TNNI3K: variants seen among roughly 807,000 people sequenced by gnomAD.
TNNI3K encodes the protein serine/threonine-protein kinase TNNI3K.
Under a neutral mutation model 114.5 loss-of-function variants are expected in TNNI3K, and 140 were observed. The observed-to-expected ratio is 1.22, with a 90% confidence interval of 1.07 to 1.41. The LOEUF is 1.41. TNNI3K is among the 40% of genes most tolerant of loss of function. TNNI3K has a pLI of 0.00. For synonymous variants in TNNI3K, 347 were observed against 347.5 expected (o/e 1.00, Z 0.02); for missense variants, 1,125 against 1,007.6 (o/e 1.12, Z -1.58).
intron 2 of TNNI3K, among the ~76,000 whole-genome samples, chr1:74,242,647 T>C (rs1654314580): frequency 6.6e-6 from 1 of 152,118 alleles, no homozygotes. Context: ...GTTTTGCCAA[T>C]TAGCCACAAA....
At chr1:74,352,247 T>C (rs1661395700) in intron 9 of TNNI3K, among the ~76,000 whole-genome samples, 1 of 152,232 alleles carries the variant, frequency 6.6e-6, no homozygotes, top group African/African-American at 2.4e-5. Context: ...AGACCCTGTT[T>C]GCCTGGGTAT....
At chr1:74,247,595 A>C (rs1158540306) in intron 2 of TNNI3K, among the ~76,000 whole-genome samples, 1 of 152,086 alleles carries the variant, frequency 6.6e-6, no homozygotes, top group Non-Finnish European at 1.5e-5. Context: ...TTGACAGGGT[A>C]CTGATTGGTG....
At chr1:74,380,280 C>T (rs781470068) in intron 17 of TNNI3K, among the ~76,000 whole-genome samples, 4 of 152,140 alleles carry the variant, frequency 2.6e-5, no homozygotes, top group South Asian at 2.1e-4. Flanking sequence ...AGAAATCCTG[C>T]GATACCAACA....
intron 23 of TNNI3K, among the ~76,000 whole-genome samples, chr1:74,517,587 C>T (rs1646367363): frequency 2.0e-5 from 3 of 152,154 alleles, no homozygotes; most frequent in Admixed American, 1.3e-4. Flanking sequence ...CATGTGGGGG[C>T]TGTGTGCTAA....
chr1:74,482,342 C>CA (rs1348233138), intron 21 of TNNI3K, among the ~76,000 whole-genome samples: 1 of 152,106 alleles, frequency 6.6e-6, no homozygotes, highest in Non-Finnish European at 1.5e-5. Context: ...AGAGATGCAA[C>CA]AATGTAGATG....
intron 21 of TNNI3K, chr1:74,471,609 C>A: frequency 2.5e-6 from 1 of 400,682 alleles, no homozygotes; most frequent in South Asian, 1.3e-4. Context: ...CCAACTTAGT[C>A]AGTTGGTTAC....
At chr1:74,303,815 A>G (rs577954615) in intron 5 of TNNI3K, among the ~76,000 whole-genome samples, 4 of 152,328 alleles carry the variant, frequency 2.6e-5, no homozygotes, top group East Asian at 1.9e-4. Context: ...TTTGCCATTC[A>G]TGGGAGGAGG....
chr1:74,370,230 C>T, intron 16 of TNNI3K, 58 bp from the exon 17 acceptor site: 1 of 1,450,790 alleles, frequency 6.9e-7, no homozygotes, highest in Non-Finnish European at 9.3e-7. Context: ...ACATCATTTG[C>T]TTTTTTGATA....
At chr1:74,358,140 G>A (rs971828064) in intron 11 of TNNI3K, among the ~76,000 whole-genome samples, 2 of 152,108 alleles carry the variant, frequency 1.3e-5, no homozygotes, top group Non-Finnish European at 2.9e-5. Context: ...AGGCTGTTTA[G>A]GGTCAGAAAA....
chr1:74,519,500 C>A (rs1388132713), intron 23 of TNNI3K, among the ~76,000 whole-genome samples: 8 of 125,496 alleles, frequency 6.4e-5, no homozygotes, highest in Admixed American at 5.9e-4. Context: ...GTCCCACCAA[C>A]AGTGTAAAAG....
chr1:74,370,667 T>G (rs1004433367), intron 17 of TNNI3K: 2 of 243,168 alleles, frequency 8.2e-6, no homozygotes, highest in Non-Finnish European at 1.6e-5. Context: ...AGTTCCCAGG[T>G]CAGTAAGGTC....
intron 23 of TNNI3K, among the ~76,000 whole-genome samples, chr1:74,507,215 A>ATTTC (rs1320161139): frequency 3.2e-5 from 4 of 124,776 alleles, no homozygotes; most frequent in Non-Finnish European, 5.1e-5. Context: ...CAGTTTTTAA[A>ATTTC]TTTCTTCACC....
intron 21 of TNNI3K, chr1:74,471,981 AT>A (rs758068850): frequency 2.4e-5 from 15 of 628,864 alleles, no homozygotes; most frequent in East Asian, 1.4e-4. Context: ...ATTTTGATCT[AT>A]TTTTTTGTAC....
chr1:74,253,132 C>A (rs1655047979), intron 4 of TNNI3K, among the ~76,000 whole-genome samples: 1 of 152,172 alleles, frequency 6.6e-6, no homozygotes, highest in Non-Finnish European at 1.5e-5. Context: ...CATCCACAAA[C>A]CCTGAGCTAG....
At chr1:74,541,120 CAGTT>C (rs1011362364) in intron 24 of TNNI3K, among the ~76,000 whole-genome samples, 1 of 151,994 alleles carries the variant, frequency 6.6e-6, no homozygotes, top group African/African-American at 2.4e-5. Flanking sequence ...AAGTATCTGT[CAGTT>C]AAAGAGATCA....
At chr1:74,379,059 G>T (rs1305081474) in intron 17 of TNNI3K, among the ~76,000 whole-genome samples, 1 of 151,978 alleles carries the variant, frequency 6.6e-6, no homozygotes, top group East Asian at 1.9e-4. Flanking sequence ...AATAAAGCAT[G>T]CTATATATGA....
intron 17 of TNNI3K, among the ~76,000 whole-genome samples, chr1:74,417,885 G>A (rs1665206162): frequency 6.6e-6 from 1 of 151,744 alleles, no homozygotes; most frequent in Non-Finnish European, 1.5e-5. Context: ...AGTAAAATGT[G>A]GCTGCTAAAA....
At chr1:74,541,257 A>G (rs1646723528) in intron 24 of TNNI3K, among the ~76,000 whole-genome samples, 1 of 152,140 alleles carries the variant, frequency 6.6e-6, no homozygotes, top group Admixed American at 6.5e-5. Context: ...ATCTGCAGAG[A>G]CTCATTACCT....
intron 23 of TNNI3K, among the ~76,000 whole-genome samples, chr1:74,505,879 G>A (rs1019100030): frequency 1.3e-5 from 2 of 152,174 alleles, no homozygotes; most frequent in African/African-American, 2.4e-5. Context: ...TTTTATTAAT[G>A]TGCAGATGTT....
Sources: allele counts gnomAD v4.1 joint callset (sites outside exome capture counted in the v4.1 genomes callset), GRCh38; gene constraint gnomAD v4.1.1; transcripts MANE v1.5; gene names NCBI Gene and HGNC (gene_info 2026-07-23, HGNC 2026-07-21).